Variants in DNAJC6 observed in about 807,000 individuals in gnomAD.
DNAJC6 encodes the protein DnaJ heat shock protein family (Hsp40) member C6.
DNAJC6 carries 34 observed loss-of-function variants against 110.0 expected under a neutral mutation model. The ratio of observed to expected loss-of-function variants is 0.31; its 90% CI spans 0.24 to 0.41. The LOEUF (loss-of-function observed/expected upper bound fraction) is 0.41, where lower values mean the gene tolerates loss of function less well. Ranked by LOEUF, DNAJC6 falls within the 10% of genes least tolerant of loss-of-function variation. The pLI is 1.00. For missense variants in DNAJC6, 1,031 were observed against 1,207.8 expected, an observed-to-expected ratio of 0.85 and a Z score of 2.17; for synonymous variants, 406 against 437.2, an observed-to-expected ratio of 0.93 and a Z score of 0.89.
intron 1 of DNAJC6, among the ~76,000 whole-genome samples, chr1:65,342,277 C>T (rs578164427): frequency 3.9e-5 from 6 of 152,198 alleles, no homozygotes; most frequent in South Asian, 4.1e-4. Flanking sequence ...TTCCCAGATT[C>T]GTATGCTGAA....
At chr1:65,283,415 CT>C (rs149832781) in intron 1 of DNAJC6, among the ~76,000 whole-genome samples, 1 of 151,948 alleles carries the variant, frequency 6.6e-6, no homozygotes, top group Non-Finnish European at 1.5e-5. Context: ...CCAAGATTGC[CT>C]TTTTTTTACT....
At chr1:65,368,041 G>A (rs748089649) in intron 4 of DNAJC6, among the ~76,000 whole-genome samples, 57 of 152,128 alleles carry the variant, frequency 3.7e-4, no homozygotes, top group Non-Finnish European at 6.9e-4. Context: ...AAAAAAGCAT[G>A]AATGTGGAAA....
intron 1 of DNAJC6, among the ~76,000 whole-genome samples, chr1:65,272,132 A>G (rs565223466): frequency 8.5e-5 from 13 of 152,144 alleles, no homozygotes; most frequent in Non-Finnish European, 1.5e-4. Context: ...TTATCTTGTT[A>G]CTGATCTTAG....
At chr1:65,323,248 T>C (rs1645212329) in intron 1 of DNAJC6, among the ~76,000 whole-genome samples, 1 of 152,208 alleles carries the variant, frequency 6.6e-6, no homozygotes, top group Admixed American at 6.5e-5. Flanking sequence ...TCAAATCTCA[T>C]CTCGAATTGT....
At chr1:65,390,376 A>G (rs1003022390) in intron 11 of DNAJC6, among the ~76,000 whole-genome samples, 6 of 152,168 alleles carry the variant, frequency 3.9e-5, no homozygotes, top group Non-Finnish European at 5.9e-5. Context: ...GAAAGCAAAC[A>G]CTTGGCCTGT....
chr1:65,298,466 G>A (rs1570238248), intron 1 of DNAJC6, among the ~76,000 whole-genome samples: 1 of 152,156 alleles, frequency 6.6e-6, no homozygotes, highest in South Asian at 2.1e-4. Context: ...CAAGCAGGTG[G>A]AATGGTACTT....
intron 1 of DNAJC6, among the ~76,000 whole-genome samples, chr1:65,341,882 G>A (rs1014048159): frequency 9.2e-5 from 14 of 152,090 alleles, no homozygotes; most frequent in Non-Finnish European, 1.9e-4. Context: ...GACCAAGTCC[G>A]TATGAGGGAC....
chr1:65,373,176 G>T (rs1645724488), intron 4 of DNAJC6, among the ~76,000 whole-genome samples: 1 of 152,110 alleles, frequency 6.6e-6, no homozygotes, highest in East Asian at 1.9e-4. Context: ...CATTGTATAT[G>T]TATACCACAT....
chr1:65,297,221 G>C (rs979445838), intron 1 of DNAJC6, among the ~76,000 whole-genome samples: 1 of 152,186 alleles, frequency 6.6e-6, no homozygotes, highest in Non-Finnish European at 1.5e-5. Context: ...GAAGGGGGAA[G>C]TGGTGAAGGC....
At position 65,379,461 on chromosome 1, in the gene DNAJC6, G is replaced by A; in HGVS notation, c.603G>A (p.Val201=). 5.0e-6 allele frequency: 8 copies of A among 1,614,130 alleles called. No individual in the cohort carries two copies. The highest frequency in any genetic ancestry group is 6.8e-6 in the Non-Finnish European group (8 of 1,179,992). ...CCAGTCTGCACAACCTTTTTGCTGT[G>A]TGTCGGAATATGTATAACTGGCTAC... ...QAPSLHNLFA[V]CRNMYNWLLQ... The change falls in exon 5 of 19, where the codon GTG becomes GTA. Residue 201 remains valine (V), a synonymous_variant. Coordinates refer to ENST00000371069, the MANE Select transcript of DNAJC6 (RefSeq NM_001256864.2).
chr1:65,363,684 A>G (rs568135273), intron 1 of DNAJC6, among the ~76,000 whole-genome samples: 57 of 152,168 alleles, frequency 3.7e-4, no homozygotes, highest in Middle Eastern at 3.4e-3. Flanking sequence ...GCATCTAGTG[A>G]ATAGAGGCCA....
chr1:65,309,149 C>T (rs919679163), upstream of DNAJC6, among the ~76,000 whole-genome samples: 10 of 152,058 alleles, frequency 6.6e-5, no homozygotes, highest in African/African-American at 2.4e-4. Context: ...ACCACAAGAC[C>T]CCTGGTCCTC....
At chr1:65,358,739 T>C (rs921941015) in intron 1 of DNAJC6, among the ~76,000 whole-genome samples, 2 of 152,268 alleles carry the variant, frequency 1.3e-5, no homozygotes, top group African/African-American at 4.8e-5. Flanking sequence ...CATATGGCGT[T>C]ATTAGAGATA....
intron 17 of DNAJC6, among the ~76,000 whole-genome samples, chr1:65,410,613 G>A (rs1242877163): frequency 1.3e-5 from 2 of 152,184 alleles, no homozygotes; most frequent in Non-Finnish European, 1.5e-5. Context: ...GGTACTCAAT[G>A]CTGATACAGT....
upstream of DNAJC6, among the ~76,000 whole-genome samples, chr1:65,308,884 A>G (rs1251622619): frequency 1.3e-5 from 2 of 152,212 alleles, no homozygotes; most frequent in Non-Finnish European, 2.9e-5. Flanking sequence ...GGCAGAACGG[A>G]CGCTGCCTCC....
chr1:65,345,566 C>T (rs1358407471), intron 1 of DNAJC6: 3 of 704,080 alleles, frequency 4.3e-6, no homozygotes, highest in Admixed American at 6.3e-5. Flanking sequence ...AATCACAACA[C>T]GCTAGTACTA....
rs1054474933 is a variant in DNAJC6 at position 65,414,470 on chromosome 1, A to C, written c.*1445A>C. Reference sequence around the variant, plus strand: ...ATGCTCAATATTGTGAAAAGCTTTTAAAAGTTGTTTTGAAAAGACAATCAT... The same window carrying C: ...ATGCTCAATATTGTGAAAAGCTTTTCAAAGTTGTTTTGAAAAGACAATCAT... On this transcript the variant is annotated 3_prime_UTR_variant, in exon 19 of 19. Transcript: ENST00000371069. 6.5e-6 allele frequency: 1 copy of C among 152,704 alleles called. No individual in the cohort carries two copies. Among genetic ancestry groups the C allele is most frequent in the African/African-American group, 2.4e-5 (1 of 41,478 alleles). The allele number at this position is 152,704 out of a possible 1,614,324, so 9.5% of individuals were successfully genotyped here.
At chr1:65,330,561 T>C (rs1003064395) in intron 1 of DNAJC6, among the ~76,000 whole-genome samples, 2 of 152,110 alleles carry the variant, frequency 1.3e-5, no homozygotes, top group Non-Finnish European at 2.9e-5. Flanking sequence ...CTCCGCCTCC[T>C]GGGTTCAAGC....
chr1:65,322,588 A>G (rs1645206747), intron 1 of DNAJC6, among the ~76,000 whole-genome samples: 1 of 152,198 alleles, frequency 6.6e-6, no homozygotes, highest in Non-Finnish European at 1.5e-5. Context: ...ATTTTTATAT[A>G]TTGTATATGC....
Sources: gnomAD v4.1 joint callset for allele counts (sites outside exome capture counted in the v4.1 genomes callset) on GRCh38, gnomAD v4.1.1 for gene constraint, MANE v1.5 for transcripts, NCBI Gene and HGNC (gene_info 2026-07-23, HGNC 2026-07-21) for gene names.